The following TAS2R1 variants were observed in gnomAD, a reference collection of about 807,000 sequenced individuals.
The protein encoded by TAS2R1 is taste 2 receptor member 1.
For missense variants in TAS2R1, 370 were observed against 353.4 expected (o/e 1.05, Z -0.38); for synonymous variants, 141 against 134.2 (o/e 1.05, Z -0.35).
the TAS2R1 span, among the ~76,000 whole-genome samples, chr5:9,757,887 T>A: frequency 6.6e-6 from 1 of 150,782 alleles, no homozygotes. Flanking sequence ...AAAACCTATA[T>A]AATTTTAGAA....
At chr5:9,741,258 G>A in the TAS2R1 span, among the ~76,000 whole-genome samples, 1,068 of 152,202 alleles carry the variant, frequency 7.0e-3, 9 homozygotes, top group African/African-American at 0.024. Context: ...CCAGAGATCC[G>A]CTATTTAATC....
chr5:9,812,831 C>A, the TAS2R1 span, among the ~76,000 whole-genome samples: 3 of 152,114 alleles, frequency 2.0e-5, no homozygotes, highest in East Asian at 5.8e-4. Flanking sequence ...CCATGCCTCC[C>A]AGTTTTTTTC....
the TAS2R1 span, among the ~76,000 whole-genome samples, chr5:9,771,883 T>G: frequency 6.6e-6 from 1 of 152,118 alleles, no homozygotes; most frequent in South Asian, 2.1e-4. Flanking sequence ...GTTTTATTTA[T>G]TTGGGTCTTC....
At chr5:9,716,675 G>A (rs1232864315), upstream of TAS2R1, among the ~76,000 whole-genome samples, 1 of 151,936 alleles carries the variant, frequency 6.6e-6, no homozygotes, top group African/African-American at 2.4e-5. Context: ...TTCTCTAGGG[G>A]TACAGAATTC....
chr5:9,766,708 C>G, the TAS2R1 span, among the ~76,000 whole-genome samples: 1 of 152,224 alleles, frequency 6.6e-6, no homozygotes. Context: ...GTGTCTTTCT[C>G]TGTGCAGGCC....
intron 2 of TAS2R1, among the ~76,000 whole-genome samples, chr5:9,647,863 G>A (rs1156540838): frequency 6.6e-6 from 1 of 152,098 alleles, no homozygotes; most frequent in East Asian, 1.9e-4. Context: ...ACATCATTTA[G>A]ATAATCATAG....
the TAS2R1 span, among the ~76,000 whole-genome samples, chr5:9,840,073 T>C: frequency 6.6e-6 from 1 of 152,164 alleles, no homozygotes; most frequent in African/African-American, 2.4e-5. Flanking sequence ...TTTTGGACTC[T>C]TGCTCTCCTT....
chr5:9,630,752 T>C (rs1739857836), upstream of TAS2R1, among the ~76,000 whole-genome samples: 1 of 152,162 alleles, frequency 6.6e-6, no homozygotes, highest in African/African-American at 2.4e-5. Flanking sequence ...TGCAGAGTAA[T>C]TCAGGGGTTA....
intron 1 of TAS2R1, among the ~76,000 whole-genome samples, chr5:9,679,338 C>T (rs923950405): frequency 6.6e-6 from 1 of 152,124 alleles, no homozygotes; most frequent in Non-Finnish European, 1.5e-5. Context: ...AAGAACGAAC[C>T]TTAGTGAATA....
chr5:9,688,954 G>A (rs547576122), intron 1 of TAS2R1, among the ~76,000 whole-genome samples: 3 of 152,084 alleles, frequency 2.0e-5, no homozygotes, highest in South Asian at 2.1e-4. Context: ...GTCAGAGCCA[G>A]GCCCTGGGAA....
upstream of TAS2R1, among the ~76,000 whole-genome samples, chr5:9,715,880 A>G (rs1389053696): frequency 6.6e-6 from 1 of 152,214 alleles, no homozygotes; most frequent in African/African-American, 2.4e-5. Context: ...TTGAAATATA[A>G]GTGGGAGAAA....
chr5:9,660,225 A>ATTTTTTTTTTTT (rs35208333), intron 1 of TAS2R1, among the ~76,000 whole-genome samples: 54 of 88,824 alleles, frequency 6.1e-4, no homozygotes, highest in East Asian at 3.7e-3. Context: ...CTCCCGGCTA[A>ATTTTTTTTTTTT]TTTTTTTTTT....
the TAS2R1 span, among the ~76,000 whole-genome samples, chr5:9,838,832 C>T: frequency 6.6e-6 from 1 of 152,196 alleles, no homozygotes; most frequent in Non-Finnish European, 1.5e-5. Flanking sequence ...AAATGATTCA[C>T]ATTTGGAACA....
chr5:9,632,865 A>G (rs1350473374), upstream of TAS2R1, among the ~76,000 whole-genome samples: 1 of 151,806 alleles, frequency 6.6e-6, no homozygotes, highest in Non-Finnish European at 1.5e-5. Context: ...AAATTCTTTT[A>G]CACTCCTGTT....
At chr5:9,789,862 G>C in the TAS2R1 span, among the ~76,000 whole-genome samples, 1 of 152,224 alleles carries the variant, frequency 6.6e-6, no homozygotes, top group Non-Finnish European at 1.5e-5. Context: ...ATTGCAACAA[G>C]TATATTGGCT....
At chr5:9,867,436 G>A in the TAS2R1 span, among the ~76,000 whole-genome samples, 1 of 152,162 alleles carries the variant, frequency 6.6e-6, no homozygotes, top group Non-Finnish European at 1.5e-5. Context: ...AATGGTGGCA[G>A]GAAAGAGTGT....
At chr5:9,779,805 A>G in the TAS2R1 span, among the ~76,000 whole-genome samples, 3 of 152,366 alleles carry the variant, frequency 2.0e-5, no homozygotes, top group Admixed American at 6.5e-5. Context: ...TTGCTGGGAA[A>G]CAGCATAGAT....
the TAS2R1 span, chr5:9,862,937 T>A: frequency 6.6e-6 from 1 of 152,194 alleles, no homozygotes; most frequent in South Asian, 2.1e-4. Flanking sequence ...TAAAACCACA[T>A]CATCTTTTAA....
At chr5:9,709,722 T>C (rs60964169) in intron 1 of TAS2R1, among the ~76,000 whole-genome samples, 37,188 of 152,042 alleles carry the variant, frequency 0.24, 4,717 homozygotes, top group South Asian at 0.38. Flanking sequence ...CAAGTGATCT[T>C]GGAGGTGAAT....
Sources: gnomAD v4.1 joint callset for allele counts (sites outside exome capture counted in the v4.1 genomes callset) on GRCh38, gnomAD v4.1.1 for gene constraint, MANE v1.5 for transcripts, NCBI Gene and HGNC (gene_info 2026-07-23, HGNC 2026-07-21) for gene names.